Variants in CLNK observed in about 807,000 individuals in gnomAD.
CLNK encodes cytokine dependent hematopoietic cell linker, also known as cytokine-dependent hematopoietic cell linker.
In CLNK, 74 loss-of-function variants were observed where a neutral mutation model predicts 68.6. The observed-to-expected ratio is 1.08, with a 90% CI of 0.89 to 1.31. The LOEUF (loss-of-function observed/expected upper bound fraction) is 1.31, where lower values mean the gene tolerates loss of function less well. Among genes scored for constraint, CLNK ranks in the 50% most tolerant of loss-of-function variants. The pLI is 0.00. For synonymous variants in CLNK, 198 were observed against 172.2 expected (o/e 1.15, Z -1.17); for missense variants, 553 against 515.3 (o/e 1.07, Z -0.71).
At chr4:10,671,474 A>G (rs1224867493) in intron 1 of CLNK, among the ~76,000 whole-genome samples, 1 of 152,202 alleles carries the variant, frequency 6.6e-6, no homozygotes, top group Non-Finnish European at 1.5e-5. Context: ...GCAAGACAGA[A>G]GAGATGGCAT....
At chr4:10,702,499 A>G in the CLNK span, among the ~76,000 whole-genome samples, 3 of 152,328 alleles carry the variant, frequency 2.0e-5, no homozygotes, top group East Asian at 3.9e-4. Flanking sequence ...TGCACATCAC[A>G]GGATGGATAG....
chr4:10,725,808 T>TC, the CLNK span, among the ~76,000 whole-genome samples: 40 of 150,670 alleles, frequency 2.7e-4, no homozygotes, highest in Admixed American at 1.7e-3. Context: ...TGAGCCGAGA[T>TC]GCGCCACTGC....
intron 2 of CLNK, among the ~76,000 whole-genome samples, chr4:10,638,504 T>A (rs771885624): frequency 6.6e-6 from 1 of 152,226 alleles, no homozygotes; most frequent in Non-Finnish European, 1.5e-5. Context: ...GAATTTGTGA[T>A]TCGGCTTTAT....
At chr4:10,521,297 A>G (rs1201460214) in intron 14 of CLNK, among the ~76,000 whole-genome samples, 1 of 152,082 alleles carries the variant, frequency 6.6e-6, no homozygotes, top group Non-Finnish European at 1.5e-5. Context: ...GTGGATTATG[A>G]TAAGAAAAAC....
intron 2 of CLNK, among the ~76,000 whole-genome samples, chr4:10,634,552 TACTGGGCTTAC>T (rs1397461698): frequency 2.0e-5 from 3 of 152,244 alleles, no homozygotes; most frequent in Non-Finnish European, 4.4e-5. Context: ...GGATTCTGCC[TACTGGGCTTAC>T]ACTGTGCACC....
At chr4:10,645,899 A>AT (rs911491327) in intron 2 of CLNK, among the ~76,000 whole-genome samples, 2 of 152,160 alleles carry the variant, frequency 1.3e-5, no homozygotes, top group African/African-American at 4.8e-5. Context: ...AAATACCTTG[A>AT]TTTTTTAATG....
intron 13 of CLNK, 133 bp downstream of exon 13, chr4:10,527,943 C>T (rs191590587): frequency 4.9e-6 from 2 of 409,088 alleles, no homozygotes; most frequent in Non-Finnish European, 8.6e-6. Context: ...ATCACGTCAT[C>T]GTTCACACAC....
At chr4:10,666,606 G>C (rs1006678255) in intron 2 of CLNK, among the ~76,000 whole-genome samples, 43 of 152,228 alleles carry the variant, frequency 2.8e-4, no homozygotes, top group African/African-American at 1.0e-3. Context: ...TTTAGATGAA[G>C]AAGCTAATTT....
intron 8 of CLNK, among the ~76,000 whole-genome samples, chr4:10,551,235 T>C (rs1231276450): frequency 6.6e-6 from 1 of 152,106 alleles, no homozygotes; most frequent in Admixed American, 6.5e-5. Context: ...GTGGTAAATA[T>C]ATGCAAGACC....
At chr4:10,491,769 AT>A (rs905595290) in intron 18 of CLNK, among the ~76,000 whole-genome samples, 63 of 124,632 alleles carry the variant, frequency 5.1e-4, no homozygotes, top group Non-Finnish European at 6.2e-4. Flanking sequence ...ATATATAGTA[AT>A]TTTTTTTTTT....
chr4:10,602,416 A>G (rs1420693216), intron 2 of CLNK, among the ~76,000 whole-genome samples: 1 of 152,216 alleles, frequency 6.6e-6, no homozygotes, highest in Non-Finnish European at 1.5e-5. Flanking sequence ...CTTGGGTTAA[A>G]GTGGGCTCTA....
chr4:10,525,416 C>T (rs374847953), intron 14 of CLNK, among the ~76,000 whole-genome samples: 2 of 152,246 alleles, frequency 1.3e-5, no homozygotes, highest in African/African-American at 2.4e-5. Context: ...TCACAATAAG[C>T]GGAGCAGGCA....
At chr4:10,506,394 T>C (rs756831899) in intron 17 of CLNK, among the ~76,000 whole-genome samples, 2 of 152,184 alleles carry the variant, frequency 1.3e-5, no homozygotes, top group Non-Finnish European at 2.9e-5. Flanking sequence ...CCTGGGTTTA[T>C]CCACCCAAAC....
At chr4:10,669,749 C>A (rs1299438484) in intron 1 of CLNK, among the ~76,000 whole-genome samples, 2 of 152,170 alleles carry the variant, frequency 1.3e-5, no homozygotes, top group Non-Finnish European at 2.9e-5. Context: ...TCTGCCCTCA[C>A]CCACCAGCCT....
At chr4:10,681,746 T>C (rs1043939444) in intron 1 of CLNK, among the ~76,000 whole-genome samples, 7 of 152,200 alleles carry the variant, frequency 4.6e-5, no homozygotes, top group African/African-American at 1.7e-4. Flanking sequence ...CCTGGGAACA[T>C]CAGCAGGGTA....
the CLNK span, among the ~76,000 whole-genome samples, chr4:10,699,343 T>TACACACAC: frequency 1.7e-4 from 5 of 29,918 alleles, no homozygotes; most frequent in African/African-American, 5.1e-4. Flanking sequence ...CGTGTGTGTA[T>TACACACAC]ACACACACAC....
At chr4:10,536,222 G>C (rs1458304286) in intron 11 of CLNK, among the ~76,000 whole-genome samples, 1 of 152,174 alleles carries the variant, frequency 6.6e-6, no homozygotes, top group African/African-American at 2.4e-5. Flanking sequence ...TTCTGCCTTA[G>C]GGAAGGCAAC....
At chr4:10,537,786 T>C (rs2108806569) in intron 11 of CLNK, among the ~76,000 whole-genome samples, 1 of 149,456 alleles carries the variant, frequency 6.7e-6, no homozygotes, top group Admixed American at 6.7e-5. Flanking sequence ...CCTTCCTTCC[T>C]TCTCTTGTTT....
the CLNK span, among the ~76,000 whole-genome samples, chr4:10,689,934 A>C: frequency 2.6e-4 from 40 of 151,748 alleles, no homozygotes; most frequent in Non-Finnish European, 4.6e-4. Context: ...CTCCTTCAGG[A>C]CACATGCTAT....
Sources: allele counts gnomAD v4.1 joint callset (sites outside exome capture counted in the v4.1 genomes callset), GRCh38; gene constraint gnomAD v4.1.1; transcripts MANE v1.5; gene names NCBI Gene and HGNC (gene_info 2026-07-23, HGNC 2026-07-21).